Variants in DNAH9 observed in about 807,000 individuals in gnomAD.
DNAH9 encodes dynein axonemal heavy chain 9, also known as DNAH9 variant protein.
In DNAH9, 345 loss-of-function variants were observed where a neutral mutation model predicts 471.6. That is an observed-to-expected ratio of 0.73 (90% CI 0.67 to 0.80). The LOEUF is 0.80. DNAH9 is among the 30% of genes least tolerant of loss of function. The pLI, the probability that DNAH9 is intolerant of heterozygous loss-of-function variation, is 0.00. For missense variants in DNAH9, 5,407 were observed against 5,609.2 expected (o/e 0.96, Z 1.15); for synonymous variants, 2,093 against 2,123.6 (o/e 0.99, Z 0.40).
intron 48 of DNAH9, among the ~76,000 whole-genome samples, chr17:11,829,112 G>T (rs929654954): frequency 1.3e-5 from 2 of 152,174 alleles, no homozygotes; most frequent in Non-Finnish European, 2.9e-5. Flanking sequence ...CTTGGCAATG[G>T]TTATAATAAT....
chr17:11,602,532 A>G (rs1312274635), intron 1 of DNAH9, among the ~76,000 whole-genome samples: 1 of 152,074 alleles, frequency 6.6e-6, no homozygotes, highest in African/African-American at 2.4e-5. Flanking sequence ...CTCCAGTTTG[A>G]ATCTCCTGTC....
chr17:11,963,008 C>A (rs192631043), intron 68 of DNAH9, among the ~76,000 whole-genome samples: 40 of 152,168 alleles, frequency 2.6e-4, no homozygotes, highest in Non-Finnish European at 4.3e-4. Flanking sequence ...TTAAGTAGTG[C>A]CCCCAAAAAT....
intron 32 of DNAH9, 97 bp downstream of exon 32, chr17:11,747,863 G>A: frequency 8.7e-7 from 1 of 1,144,520 alleles, no homozygotes; most frequent in East Asian, 2.4e-5. Flanking sequence ...AGCAAACATT[G>A]GACTGATCTG....
intron 26 of DNAH9, among the ~76,000 whole-genome samples, chr17:11,705,644 A>G (rs1306472240): frequency 1.3e-5 from 2 of 152,198 alleles, no homozygotes; most frequent in Non-Finnish European, 2.9e-5. Flanking sequence ...AGATAAAAGT[A>G]TAAGTTCTGT....
At chr17:11,778,329 CAAAAAAAAAAA>C (rs57983162) in intron 38 of DNAH9, among the ~76,000 whole-genome samples, 165 of 48,644 alleles carry the variant, frequency 3.4e-3, no homozygotes, top group Middle Eastern at 0.026. Flanking sequence ...GACTCCATCT[CAAAAAAAAAAA>C]AAAAAAAAAA....
chr17:11,919,526 G>A (rs1312613784), intron 61 of DNAH9, among the ~76,000 whole-genome samples: 2 of 151,540 alleles, frequency 1.3e-5, no homozygotes, highest in Non-Finnish European at 2.9e-5. Context: ...AAAAAAGAGG[G>A]ATCCATTAGG....
intron 48 of DNAH9, among the ~76,000 whole-genome samples, chr17:11,827,975 C>G: frequency 6.6e-6 from 1 of 152,154 alleles, no homozygotes; most frequent in Non-Finnish European, 1.5e-5. Context: ...CACCTACACC[C>G]AAACCATGAG....
In DNAH9 at chr17:11,608,179, C is replaced by T; in HGVS notation, c.468C>T (p.His156=). 1.2e-6 allele frequency: 2 copies of T among 1,613,480 alleles called. No homozygotes were observed. Among genetic ancestry groups the T allele is most frequent in the South Asian group, 2.2e-5 (2 of 91,044 alleles). ...AGAAGAATCGCCTAAACTGGCCCCA[C>T]ATGATATGTGAGGATGTCAGGCGGC... ...ANEKNRLNWP[H]MICEDVRRHA... Residue 156 remains histidine, a synonymous_variant, in exon 2 of 69, where the codon CAC becomes CAT. Coordinates refer to ENST00000262442, the MANE Select transcript of DNAH9 (RefSeq NM_001372.4).
Position 11,702,603 on chromosome 17 carries a change from G to A in DNAH9, c.5151+1356G>A, listed in dbSNP as rs143730731. Among the ~76,000 whole-genome samples the A allele has an allele frequency of 4.9e-3, 750 of 152,272 alleles. 5 individuals carry two copies. The highest frequency in any genetic ancestry group is 0.016 in the African/African-American group (677 of 41,564). ...GTCTTTTGGGAGCAGAAGGAAAACC[G>A]GGAAACAGTAATCATGGAAACCAAG... On this transcript the variant is annotated intron_variant, in intron 24 of 68. Coordinates refer to ENST00000262442, the MANE Select transcript of DNAH9 (RefSeq NM_001372.4).
In DNAH9 at chr17:11,709,975, C is replaced by T. The variant is rs149325146; in HGVS notation, c.5552+4790C>T. On this transcript the variant is annotated intron_variant, in intron 26 of 68. Coordinates refer to ENST00000262442, the MANE Select transcript of DNAH9 (RefSeq NM_001372.4). ...ACACAGCTAGCAAAAGTCGTATGCT[C>T]TCTCTTTAAGTTTTTCTCTCATGTT... Among the ~76,000 whole-genome samples the T allele has an allele frequency of 3.6e-3, 554 of 152,140 alleles. 5 individuals carry two copies. Among genetic ancestry groups the T allele is most frequent in the African/African-American group, 0.012 (517 of 41,474 alleles).
Position 11,905,821 on chromosome 17 carries a change from G to A in DNAH9, c.11749+12G>A, listed in dbSNP as rs116529250. 2,900 of 1,595,428 alleles carry A rather than the reference G, an allele frequency of 1.8e-3. 56 individuals are homozygous for A. In the African/African-American group the frequency reaches 0.034, roughly 19 times the overall value. ...TGTAGAAAGTCAAGGTGAGAAAGGC[G>A]TCCTCTTGGAGCCAGGGCTGCATTT... On this transcript the variant is annotated intron_variant, in intron 61 of 68. Coordinates refer to ENST00000262442, the MANE Select transcript of DNAH9 (RefSeq NM_001372.4).
intron 35 of DNAH9, among the ~76,000 whole-genome samples, chr17:11,758,172 C>A (rs1967486756): frequency 6.6e-6 from 1 of 152,152 alleles, no homozygotes. Context: ...TACCATCTGA[C>A]AGTCCTGCCC....
intron 45 of DNAH9, among the ~76,000 whole-genome samples, chr17:11,816,870 A>C (rs992980258): frequency 6.6e-6 from 1 of 152,098 alleles, no homozygotes; most frequent in Admixed American, 6.5e-5. Context: ...GTGTTTCCCA[A>C]CTTTCGGTGA....
intron 43 of DNAH9, among the ~76,000 whole-genome samples, chr17:11,803,702 A>G (rs968541921): frequency 3.9e-5 from 6 of 152,220 alleles, no homozygotes; most frequent in Non-Finnish European, 7.3e-5. Flanking sequence ...CAAACGATGC[A>G]TTTCCCATTG....
At chr17:11,921,092 G>T (rs1420582768) in intron 61 of DNAH9, among the ~76,000 whole-genome samples, 1 of 151,918 alleles carries the variant, frequency 6.6e-6, no homozygotes, top group Non-Finnish European at 1.5e-5. Flanking sequence ...AGTGAGGTGA[G>T]ATCGTACCAC....
chr17:11,642,381 TACAA>T (rs1486909161), intron 10 of DNAH9, among the ~76,000 whole-genome samples: 2 of 146,962 alleles, frequency 1.4e-5, no homozygotes, highest in Admixed American at 6.8e-5. Context: ...CTACTAAAAA[TACAA>T]ACAATTAGCC....
At chr17:11,852,026 C>T (rs1247729822) in intron 49 of DNAH9, among the ~76,000 whole-genome samples, 2 of 152,156 alleles carry the variant, frequency 1.3e-5, no homozygotes, top group African/African-American at 2.4e-5. Context: ...GCCGTGACAA[C>T]AGGTGTGCTG....
intron 41 of DNAH9, among the ~76,000 whole-genome samples, chr17:11,789,756 A>G (rs1214751040): frequency 6.6e-6 from 1 of 151,830 alleles, no homozygotes; most frequent in Non-Finnish European, 1.5e-5. Flanking sequence ...TTCTATTTCT[A>G]ACTTCTTGGC....
chr17:11,694,435 A>G lies in DNAH9; in HGVS notation c.4860A>G (p.Thr1620=), dbSNP rs772401696. The G allele has an allele frequency of 7.4e-6, 12 of 1,613,230 alleles. No individual in the cohort carries two copies. The South Asian group carries it at 1.1e-4, about 15-fold the overall frequency. The change falls in exon 22 of 69, where the codon ACA becomes ACG. Residue 1620 remains threonine (T), a synonymous_variant. Coordinates refer to ENST00000262442, the MANE Select transcript of DNAH9 (RefSeq NM_001372.4). The part of the protein sequence containing the change: ...SDLLDILSNG[T]APQQVQRHLS... ...TGTTAGACATCCTTTCCAACGGCACAGCTCCACAACAGGTAAGCTGGAGGA... is the reference window on the plus strand; with the variant it reads ...TGTTAGACATCCTTTCCAACGGCACGGCTCCACAACAGGTAAGCTGGAGGA...
Sources: gnomAD v4.1 joint callset for allele counts (sites outside exome capture counted in the v4.1 genomes callset) on GRCh38, gnomAD v4.1.1 for gene constraint, MANE v1.5 for transcripts, NCBI Gene and HGNC (gene_info 2026-07-23, HGNC 2026-07-21) for gene names.